The following CARS1 variants were observed in gnomAD, a reference collection of about 807,000 sequenced individuals.
The protein encoded by CARS1 is cysteine--tRNA ligase, cytoplasmic.
In CARS1, 48 loss-of-function variants were observed where a neutral mutation model predicts 106.2. The ratio of observed to expected loss-of-function variants is 0.45; its 90% CI spans 0.36 to 0.57. CARS1 has a LOEUF of 0.57. CARS1 is among the 20% of genes least tolerant of loss of function. The probability of loss-of-function intolerance (pLI) is 0.00; values close to 1 mark genes in which losing one functional copy is unlikely to be tolerated. For synonymous variants in CARS1, 409 were observed against 403.4 expected, an observed-to-expected ratio of 1.01 and a Z score of -0.17; for missense variants, 968 against 1,057.2, an observed-to-expected ratio of 0.92 and a Z score of 1.17.
At chr11:3,055,042 G>C (rs1856059996) in intron 1 of CARS1, 1 of 691,732 alleles carries the variant, frequency 1.4e-6, no homozygotes, top group Non-Finnish European at 2.6e-6. Flanking sequence ...AGGAAAAGCT[G>C]TACACCCAGT....
At position 3,045,556 on chromosome 11, in the gene CARS1, G is replaced by A. The variant is rs1346965928; in HGVS notation, c.274+2197C>T. Reference sequence around the variant, plus strand: ...TGGGATTACAGGAGTGAGCCACCGCGCCGGGCCAAGCAGAGTCTTTCCATG... The same window carrying A: ...TGGGATTACAGGAGTGAGCCACCGCACCGGGCCAAGCAGAGTCTTTCCATG... On this transcript the variant is annotated intron_variant, in intron 2 of 22. Coordinates refer to ENST00000380525, the MANE Select transcript of CARS1 (RefSeq NM_001014437.3). This position sits in a 1 kb window ranked among gnomAD's most constrained non-coding sequence, Gnocchi z 5.6. 4.6e-5 allele frequency among the ~76,000 whole-genome samples: 7 copies of A among 152,200 alleles called. No homozygotes were observed. The highest frequency in any genetic ancestry group is 6.5e-5 in the Admixed American group (1 of 15,282).
chr11:3,029,166 G>A lies in CARS1; in HGVS notation c.943-82C>T, dbSNP rs758381960. 2.3e-5 allele frequency: 33 copies of A among 1,436,926 alleles called. No homozygotes were observed. Among genetic ancestry groups the A allele is most frequent in the Admixed American group, 3.4e-5 (2 of 58,570 alleles). 89.0% of individuals were successfully genotyped at this position (1,436,926 alleles called of 1,614,324 possible). On this transcript the variant is annotated intron_variant, in intron 8 of 22. Coordinates refer to ENST00000380525, the MANE Select transcript of CARS1 (RefSeq NM_001014437.3). This position sits in a 1 kb window ranked among gnomAD's most constrained non-coding sequence, Gnocchi z 5.9. Reference sequence around the variant, plus strand: ...TAAAAACGTTCCCAATTCATAAAACGAAAAGCCCATTATGCCCCTCAACTC... The same window carrying A: ...TAAAAACGTTCCCAATTCATAAAACAAAAAGCCCATTATGCCCCTCAACTC...
intron 7 of CARS1, among the ~76,000 whole-genome samples, chr11:3,036,928 A>G (rs1486985629): frequency 6.6e-6 from 1 of 152,144 alleles, no homozygotes; most frequent in Non-Finnish European, 1.5e-5. Context: ...CAGACACAAA[A>G]AGACCCTGTC....
Position 3,017,376 on chromosome 11 carries a change from C to T in CARS1, c.1728-81G>A. ...TTCCCCATGTGGCCAGGCGCAGTGG[C>T]TCACGCCTATAATCCCAGCACTTTG... On this transcript the variant is annotated intron_variant, in intron 15 of 22. Transcript: ENST00000380525. This position sits in a 1 kb window ranked among gnomAD's most constrained non-coding sequence, Gnocchi z 4.9. 14 of 1,291,424 alleles carry T rather than the reference C, an allele frequency of 1.1e-5. No homozygotes were observed. Among genetic ancestry groups the T allele is most frequent in the Non-Finnish European group, 1.5e-5 (14 of 908,832 alleles). 80.0% of individuals were successfully genotyped at this position (1,291,424 alleles called of 1,614,324 possible).
Position 3,057,331 on chromosome 11 carries a change from C to T in CARS1, c.25+12G>A. 1 of 1,608,216 alleles carries T rather than the reference C, an allele frequency of 6.2e-7. No homozygotes were observed. Among genetic ancestry groups the T allele is most frequent in the East Asian group, 2.2e-5 (1 of 44,742 alleles). Reference sequence around the variant, plus strand: ...CCAGCCGCCCTCAGCCTGGCCCGGCCGCGCCGCTCACCCTGCTGCCCGGAG... The same window carrying T: ...CCAGCCGCCCTCAGCCTGGCCCGGCTGCGCCGCTCACCCTGCTGCCCGGAG... On this transcript the variant is annotated intron_variant, in intron 1 of 22. Coordinates refer to ENST00000380525, the MANE Select transcript of CARS1 (RefSeq NM_001014437.3).
chr11:3,023,112 T>G lies in CARS1; in HGVS notation c.1154-2780A>C, dbSNP rs544969757. On this transcript the variant is annotated intron_variant, in intron 10 of 22. Transcript: ENST00000380525. ...AAAATGGGCCCAAGAATAAATGGTA[T>G]TTAAGAAAAAGACCCTAGATGGGGC... Among the ~76,000 whole-genome samples, 23 of 152,242 alleles carry G rather than the reference T, an allele frequency of 1.5e-4. No homozygotes were observed. The South Asian group carries it at 4.1e-3, about 27-fold the overall frequency.
At position 3,001,177 on chromosome 11, in the gene CARS1, G is replaced by C. The variant is rs890714588; in HGVS notation, c.2433C>G (p.Phe811Leu). 1 of 1,614,048 alleles carries C rather than the reference G, an allele frequency of 6.2e-7. No homozygotes were observed. The highest frequency in any genetic ancestry group is 8.5e-7 in the Non-Finnish European group (1 of 1,180,000). Reference sequence around the variant, plus strand: ...CCTTGTAGAGCTTCTCCTGAGCCTCGAAGAGCTTCTTCAGCTTCTTGGCTT... The same window carrying C: ...CCTTGTAGAGCTTCTCCTGAGCCTCCAAGAGCTTCTTCAGCTTCTTGGCTT... The part of the protein sequence containing the change: ...KGQAKKLKKL[F>L]EAQEKLYKEY... The change falls in exon 23 of 23, where the codon TTC (phenylalanine) becomes TTG (leucine). Residue 811 changes from phenylalanine to leucine, a missense_variant. Phe to Leu is a conservative substitution (Grantham distance 22). Transcript: ENST00000380525.
rs1854705693 is a variant in CARS1, at chr11:3,043,222, A to G, written c.275-966T>C. ...CAACCTGGCACAAGGCTGTCCTTAC[A>G]CAACCTGCATCTGAGATCCCTGAAG... On this transcript the variant is annotated intron_variant, in intron 2 of 22. Transcript: ENST00000380525. This position sits in a 1 kb window ranked among gnomAD's most constrained non-coding sequence, Gnocchi z 4.0. 6.6e-6 allele frequency among the ~76,000 whole-genome samples: 1 copy of G among 151,726 alleles called. No homozygotes were observed. Among genetic ancestry groups the G allele is most frequent in the African/African-American group, 2.4e-5 (1 of 41,264 alleles).
Position 3,048,262 on chromosome 11 carries a change from T to C in CARS1, c.26-261A>G, listed in dbSNP as rs893662805. 5 of 433,486 alleles carry C rather than the reference T, an allele frequency of 1.2e-5. No individual in the cohort carries two copies. The Admixed American group carries it at 1.9e-4, about 17-fold the overall frequency. 26.9% of individuals were successfully genotyped at this position (433,486 alleles called of 1,614,324 possible). ...GAACTAGACAGAAATGAAGGCTGCA[T>C]GACAACATCATGCGCCAAATACCAC... is the stretch of plus-strand genomic sequence containing the variant. On this transcript the variant is annotated intron_variant, in intron 1 of 22. Transcript: ENST00000380525. The surrounding 1 kb of genome is among the most constrained non-coding windows in gnomAD (Gnocchi z 5.1).
Position 3,039,199 on chromosome 11 carries a change from G to C in CARS1, c.646C>G (p.Leu216Val), listed in dbSNP as rs774865592. 6 of 1,608,920 alleles carry C rather than the reference G, an allele frequency of 3.7e-6. No homozygotes were observed. In the East Asian group the frequency reaches 1.1e-4, roughly 30 times the overall value. The change falls in exon 6 of 23, where the codon CTG becomes GTG. Residue 216 changes from leucine to valine, a missense_variant. Transcript: ENST00000380525. The surrounding 1 kb of genome is among the most constrained non-coding windows in gnomAD (Gnocchi z 5.6). ...AQLLEDVQAA[L>V]KPFSVKLNET... ...GCAGACAGCAAGAGGCCCACCTTCA[G>C]GGCGGCCTGAACATCCTCCAAGAGC...
In CARS1 at chr11:3,001,109, C is replaced by T; in HGVS notation, c.*5G>A. On this transcript the variant is annotated 3_prime_UTR_variant, in exon 23 of 23. Transcript: ENST00000380525. ...AATGGTTTAAAAAGTCAGTCCTGTG[C>T]CCCCTCACTGGAAGCTTCCATTCTG... The T allele has an allele frequency of 6.2e-7, 1 of 1,613,856 alleles. No individual in the cohort carries two copies.
rs1184678790 is a variant in CARS1, at chr11:3,037,195, C to T, written c.801+855G>A. ...GAAGCACAGCTTGGGTGAAAGCACA[C>T]TGACGACTACATACACGTGGCGTGT... On this transcript the variant is annotated intron_variant, in intron 7 of 22. Coordinates refer to ENST00000380525, the MANE Select transcript of CARS1 (RefSeq NM_001014437.3). The surrounding 1 kb of genome is among the most constrained non-coding windows in gnomAD (Gnocchi z 5.9). Among the ~76,000 whole-genome samples the T allele has an allele frequency of 6.6e-6, 1 of 152,222 alleles. No individual in the cohort carries two copies. The highest frequency in any genetic ancestry group is 2.4e-5 in the African/African-American group (1 of 41,452).
chr11:3,034,628 C>CA lies in CARS1; in HGVS notation c.801+3421dup, dbSNP rs1452017295. Reference sequence around the variant, plus strand: ...CACTGCAACCTCTGACTCCCTGGTTCAAGGGATTCTCCCACCTCAGCCTCC... The same window carrying CA: ...CACTGCAACCTCTGACTCCCTGGTTCAAAGGGATTCTCCCACCTCAGCCTCC... On this transcript the variant is annotated intron_variant, in intron 7 of 22. Coordinates refer to ENST00000380525, the MANE Select transcript of CARS1 (RefSeq NM_001014437.3). This position sits in a 1 kb window ranked among gnomAD's most constrained non-coding sequence, Gnocchi z 6.3. 1.3e-5 allele frequency among the ~76,000 whole-genome samples: 2 copies of CA among 152,180 alleles called. No homozygotes were observed. The highest frequency in any genetic ancestry group is 4.8e-5 in the African/African-American group (2 of 41,452).
In CARS1 at chr11:3,050,610, C is replaced by G. The variant is rs1163913500; in HGVS notation, c.26-2609G>C. Reference sequence around the variant, plus strand: ...AAGCGCACGTTCACATTACTGCCCCCAACACCCACCTCGCCAGCAGCACAA... The same window carrying G: ...AAGCGCACGTTCACATTACTGCCCCGAACACCCACCTCGCCAGCAGCACAA... On this transcript the variant is annotated intron_variant, in intron 1 of 22. Coordinates refer to ENST00000380525, the MANE Select transcript of CARS1 (RefSeq NM_001014437.3). The surrounding 1 kb of genome is among the most constrained non-coding windows in gnomAD (Gnocchi z 6.3). Among the ~76,000 whole-genome samples, 18 of 152,304 alleles carry G rather than the reference C, an allele frequency of 1.2e-4. No homozygotes were observed. The South Asian group carries it at 3.7e-3, about 32-fold the overall frequency.
At chr11:3,024,206 A>G (rs368018385) in intron 10 of CARS1, among the ~76,000 whole-genome samples, 2 of 152,010 alleles carry the variant, frequency 1.3e-5, no homozygotes, top group South Asian at 4.1e-4. Flanking sequence ...CTTATTTTCC[A>G]TCTTTGTTTT....
In CARS1 at chr11:3,018,433, G is replaced by T; in HGVS notation, c.1604C>A (p.Ala535Glu). 1 of 1,613,586 alleles carries T rather than the reference G, an allele frequency of 6.2e-7. No homozygotes were observed. The highest frequency in any genetic ancestry group is 1.1e-5 in the South Asian group (1 of 91,064). ...ATTCAAGAACTTCTCATATTGAAGC[G>T]CTGACTCCATGGTGTTGCTGGAGTA... is the stretch of plus-strand genomic sequence containing the variant. The part of the protein sequence containing the change: ...LDYSSNTMES[A>E]LQYEKFLNEF... Residue 535 changes from alanine (A) to glutamate (E), a missense_variant, in exon 14 of 23, where the codon GCG (alanine) becomes GAG (glutamate). Physicochemically the swap from Ala to Glu is moderately radical, Grantham distance 107 (BLOSUM62 -1). Coordinates refer to ENST00000380525, the MANE Select transcript of CARS1 (RefSeq NM_001014437.3).
At position 3,040,729 on chromosome 11, in the gene CARS1, T is replaced by A; in HGVS notation, c.455+167A>T. The A allele has an allele frequency of 1.4e-6, 1 of 714,224 alleles. No homozygotes were observed. The highest frequency in any genetic ancestry group is 1.8e-5 in the South Asian group (1 of 56,530). 44.2% of individuals were successfully genotyped at this position (714,224 alleles called of 1,614,324 possible). On this transcript the variant is annotated intron_variant, in intron 4 of 22. Transcript: ENST00000380525. The surrounding 1 kb of genome is among the most constrained non-coding windows in gnomAD (Gnocchi z 5.8). Reference sequence around the variant, plus strand: ...ATAGATTACTTATGGCATTAAAATTTTCATCTTAAAAATAAGAGAAGAAAT... The same window carrying A: ...ATAGATTACTTATGGCATTAAAATTATCATCTTAAAAATAAGAGAAGAAAT...
rs561797697 is a variant in CARS1 at position 3,007,085 on chromosome 11, G to A, written c.2069-126C>T. On this transcript the variant is annotated intron_variant, in intron 18 of 22. Coordinates refer to ENST00000380525, the MANE Select transcript of CARS1 (RefSeq NM_001014437.3). Reference sequence around the variant, plus strand: ...GAACAAGTGCCTCCTCCAGTGCTCAGGAGGGAGGGGCCCCGGCCCACAGAA... The same window carrying A: ...GAACAAGTGCCTCCTCCAGTGCTCAAGAGGGAGGGGCCCCGGCCCACAGAA... The A allele has an allele frequency of 6.3e-6, 5 of 791,314 alleles. No individual in the cohort carries two copies. The African/African-American group carries it at 8.5e-5, about 13-fold the overall frequency. The allele number at this position is 791,314 out of a possible 1,614,324, so 49.0% of individuals were successfully genotyped here.
intron 20 of CARS1, 97 bp downstream of exon 20, chr11:3,005,269 G>A (rs1849746994): frequency 1.0e-5 from 9 of 868,392 alleles, no homozygotes; most frequent in Middle Eastern, 5.7e-4. Context: ...TAATAAAAGT[G>A]TAAACATCAA....
Sources: allele counts gnomAD v4.1 joint callset (sites outside exome capture counted in the v4.1 genomes callset), GRCh38; gene constraint gnomAD v4.1.1; non-coding constraint Gnocchi (gnomAD v3.1); transcripts MANE v1.5; gene names NCBI Gene and HGNC (gene_info 2026-07-23, HGNC 2026-07-21).